Variants in CREM observed in about 807,000 individuals in gnomAD.
The protein encoded by CREM is cAMP responsive element modulator, also known as cAMP-responsive element modulator.
In CREM, 13 loss-of-function variants were observed where a neutral mutation model predicts 37.3. The ratio of observed to expected loss-of-function variants is 0.35; its 90% confidence interval spans 0.23 to 0.55. CREM has a LOEUF of 0.55. Ranked by LOEUF, CREM falls within the 20% of genes least tolerant of loss-of-function variation. The pLI, the probability that CREM is intolerant of heterozygous loss-of-function variation, is 0.88. For synonymous variants in CREM, 124 were observed against 120.2 expected, an observed-to-expected ratio of 1.03 and a Z score of -0.21; for missense variants, 296 against 362.3, an observed-to-expected ratio of 0.82 and a Z score of 1.49.
chr10:35,174,323 A>T (rs900953620), intron 3 of CREM, among the ~76,000 whole-genome samples: 2 of 152,154 alleles, frequency 1.3e-5, no homozygotes. Flanking sequence ...GTTCTGTACT[A>T]TTTGGTGTGC....
rs149945949 is a variant in CREM at position 35,198,395 on chromosome 10, C to T, written c.599-8500C>T. On this transcript the variant is annotated intron_variant, in intron 6 of 7. Coordinates refer to ENST00000685392, the MANE Select transcript of CREM (RefSeq NM_183011.2). The stretch of plus-strand genomic sequence containing the variant: ...AAAATTAGCCAGGCGTGGTGGCACG[C>T]GCCTGTAATCTCAGCTACTCGGGAA... Among the ~76,000 whole-genome samples, 1,259 of 151,866 alleles carry T rather than the reference C, an allele frequency of 8.3e-3. 8 individuals carry two copies. The highest frequency in any genetic ancestry group is 0.014 in the Admixed American group (217 of 15,256).
chr10:35,195,245 A>AG, intron 6 of CREM: 1 of 1,613,142 alleles, frequency 6.2e-7, no homozygotes, highest in Non-Finnish European at 8.5e-7. Context: ...TTTTCAGTTA[A>AG]TTGTGCAGAT....
At chr10:35,182,266 CA>C (rs2094384897) in intron 5 of CREM, among the ~76,000 whole-genome samples, 2 of 152,178 alleles carry the variant, frequency 1.3e-5, no homozygotes, top group South Asian at 4.1e-4. Flanking sequence ...AATGTTGTAG[CA>C]GAATGTCTAG....
chr10:35,148,703 A>G, intron 3 of CREM: 1 of 475,524 alleles, frequency 2.1e-6, no homozygotes, highest in South Asian at 3.3e-5. Context: ...TGCCACCACC[A>G]CTATGGAAGG....
intron 3 of CREM, among the ~76,000 whole-genome samples, chr10:35,164,490 T>C (rs376040473): frequency 2.2e-4 from 33 of 152,366 alleles, no homozygotes; most frequent in East Asian, 1.9e-3. Flanking sequence ...CTTAAAATTA[T>C]ATGTTTTATG....
At chr10:35,203,732 T>C (rs1458933467) in intron 6 of CREM, among the ~76,000 whole-genome samples, 1 of 152,164 alleles carries the variant, frequency 6.6e-6, no homozygotes, top group African/African-American at 2.4e-5. Context: ...TTTTTGTTTT[T>C]TGTTTTTTTT....
At chr10:35,168,912 G>A (rs575896547) in intron 3 of CREM, among the ~76,000 whole-genome samples, 1 of 152,146 alleles carries the variant, frequency 6.6e-6, no homozygotes, top group African/African-American at 2.4e-5. Flanking sequence ...GGTTGTAGAT[G>A]TGTGGTATTA....
intron 1 of CREM, among the ~76,000 whole-genome samples, chr10:35,128,645 C>T (rs1226781342): frequency 2.0e-5 from 3 of 151,790 alleles, no homozygotes; most frequent in Admixed American, 6.6e-5. Context: ...CCTGCCTCAG[C>T]CTCCTGAGTA....
intron 5 of CREM, among the ~76,000 whole-genome samples, chr10:35,186,192 G>C (rs1231495595): frequency 6.6e-6 from 1 of 152,090 alleles, no homozygotes; most frequent in African/African-American, 2.4e-5. Flanking sequence ...ATAGCCTCTG[G>C]TACCATTTAA....
chr10:35,145,211 C>A (rs2091934637), intron 2 of CREM, among the ~76,000 whole-genome samples: 1 of 151,576 alleles, frequency 6.6e-6, no homozygotes, highest in Non-Finnish European at 1.5e-5. Flanking sequence ...TCCATGCAGC[C>A]TTTCCAGCCC....
chr10:35,163,871 A>G (rs1400149183), intron 3 of CREM, among the ~76,000 whole-genome samples: 3 of 151,734 alleles, frequency 2.0e-5, no homozygotes, highest in African/African-American at 7.3e-5. Flanking sequence ...GTGTGGTGAC[A>G]TGTGCTTGTA....
intron 7 of CREM, 89 bp downstream of exon 7, chr10:35,207,140 C>T: frequency 1.4e-6 from 2 of 1,396,732 alleles, no homozygotes; most frequent in Admixed American, 2.4e-5. Context: ...CGCCTGTAAT[C>T]CCAGCACTTT....
intron 5 of CREM, chr10:35,179,490 AAT>A: frequency 2.1e-6 from 1 of 486,566 alleles, no homozygotes; most frequent in Non-Finnish European, 3.3e-6. Flanking sequence ...TTGACTGCCG[AAT>A]ATAGAAGAAA....
Position 35,179,223 on chromosome 10 carries a change from T to C in CREM, c.356T>C (p.Ile119Thr). The change falls in exon 5 of 8, where the codon ATT becomes ACT. Residue 119 changes from isoleucine (I) to threonine (T), a missense_variant. By Grantham distance (89) the Ile-to-Thr change is moderately conservative (BLOSUM62 -1). Around this residue, in one of 2 missense-constraint regions of CREM, gnomAD observed 257 missense variants for 280.2 expected, o/e 0.92. Transcript: ENST00000685392. ...RSEEEGTPPSIATMAVPTSIY... is the reference protein window; with the variant it reads ...RSEEEGTPPSTATMAVPTSIY... Reference sequence around the variant, plus strand: ...GAGGAAGAAGGAACACCACCTAGTATTGCTACCATGGCAGTACCAACTAGC... The same window carrying C: ...GAGGAAGAAGGAACACCACCTAGTACTGCTACCATGGCAGTACCAACTAGC... 1.2e-6 allele frequency: 2 copies of C among 1,613,962 alleles called. No homozygotes were observed. Among genetic ancestry groups the C allele is most frequent in the Non-Finnish European group, 1.7e-6 (2 of 1,179,848 alleles).
intron 3 of CREM, among the ~76,000 whole-genome samples, chr10:35,178,462 G>C (rs887556883): frequency 2.6e-5 from 4 of 152,228 alleles, no homozygotes; most frequent in African/African-American, 9.6e-5. Context: ...GCCAGCGCCA[G>C]CTGTGAGAGT....
intron 6 of CREM, among the ~76,000 whole-genome samples, chr10:35,195,626 A>G (rs1237837897): frequency 6.6e-6 from 1 of 152,170 alleles, no homozygotes; most frequent in Non-Finnish European, 1.5e-5. Flanking sequence ...CATACAGTAT[A>G]TACCGTTCAT....
intron 3 of CREM, among the ~76,000 whole-genome samples, chr10:35,158,836 TTA>T: frequency 2.1e-5 from 3 of 143,746 alleles, no homozygotes; most frequent in Non-Finnish European, 3.0e-5. Flanking sequence ...TTTTTTTTTT[TTA>T]CAGACTTAGA....
In CREM at chr10:35,154,160, C is replaced by A; in HGVS notation, c.168+5669C>A. The A allele has an allele frequency of 7.5e-6, 3 of 398,364 alleles. No homozygotes were observed. In the South Asian group the frequency reaches 3.9e-4, roughly 51 times the overall value. The allele number at this position is 398,364 out of a possible 1,614,324, so 24.7% of individuals were successfully genotyped here. On this transcript the variant is annotated intron_variant, in intron 3 of 7. Coordinates refer to ENST00000685392, the MANE Select transcript of CREM (RefSeq NM_183011.2). The stretch of plus-strand genomic sequence containing the variant: ...AACAAGGGATACTTGGAAATGTTGT[C>A]ATGTGCGAGTTGTAAATTTTCTTTT...
At chr10:35,147,820 T>C (rs139836540) in intron 2 of CREM, among the ~76,000 whole-genome samples, 9 of 152,390 alleles carry the variant, frequency 5.9e-5, no homozygotes, top group Admixed American at 2.0e-4. Flanking sequence ...CATTTTGCAG[T>C]GCTCCCTTGG....
Sources: allele counts gnomAD v4.1 joint callset (sites outside exome capture counted in the v4.1 genomes callset), GRCh38; gene constraint gnomAD v4.1.1; regional missense constraint gnomAD v4.1.1; transcripts MANE v1.5; gene names NCBI Gene and HGNC (gene_info 2026-07-23, HGNC 2026-07-21).